The following PLXNA1 variants were observed in gnomAD, a reference collection of about 807,000 sequenced individuals.
PLXNA1 encodes plexin-A1.
A neutral mutation model predicts 191.7 loss-of-function variants in PLXNA1; 77 were observed. That is an observed-to-expected ratio of 0.40 (90% CI 0.33 to 0.49). The LOEUF is 0.49. Among genes scored for constraint, PLXNA1 ranks in the 20% least tolerant of loss-of-function variants. The pLI is 0.63. For missense variants in PLXNA1, 2,110 were observed against 2,660.2 expected, an observed-to-expected ratio of 0.79 and a Z score of 4.55; for synonymous variants, 1,137 against 1,156.4, an observed-to-expected ratio of 0.98 and a Z score of 0.34.
In PLXNA1 at chr3:127,033,919, C is replaced by T; in HGVS notation, c.5596-3C>T. The T allele has an allele frequency of 6.3e-7, 1 of 1,593,568 alleles. No homozygotes were observed. Among genetic ancestry groups the T allele is most frequent in the Non-Finnish European group, 8.5e-7 (1 of 1,171,516 alleles). On this transcript the variant is annotated splice_polypyrimidine_tract_variant and splice_region_variant and intron_variant, in intron 31 of 31. Coordinates refer to ENST00000393409, the MANE Select transcript of PLXNA1 (RefSeq NM_032242.4). The stretch of plus-strand genomic sequence containing the variant: ...CATGCTGACAGTTCTCCTGGCCCTG[C>T]AGATCCTGGCAGCCCTGGAGAAGGA...
chr3:127,030,471 G>T lies in PLXNA1; in HGVS notation c.5231+59G>T. ...CAGGGCCAGGCCAGATGTGTTCCCA[G>T]GGCCCTCGCCCTGTTCTGATCCGGA... is the stretch of plus-strand genomic sequence containing the variant. On this transcript the variant is annotated intron_variant, in intron 29 of 31. Coordinates refer to ENST00000393409, the MANE Select transcript of PLXNA1 (RefSeq NM_032242.4). The T allele has an allele frequency of 8.2e-6, 13 of 1,590,498 alleles. No homozygotes were observed. In the South Asian group the frequency reaches 1.5e-4, roughly 18 times the overall value.
rs755621112 is a variant in PLXNA1, at chr3:127,014,576, C to T, written c.2703C>T (p.Arg901=). 1.7e-5 allele frequency: 27 copies of T among 1,612,938 alleles called. No homozygotes were observed. The highest frequency in any genetic ancestry group is 2.2e-5 in the South Asian group (2 of 91,090). ...LRFEDVRLGV[R]VGKVLCSPVE... ...TCGAAGACGTGCGTCTGGGCGTGCG[C>T]GTGGGCAAGGTGCTGTGCAGCCCTG... Residue 901 remains arginine, a synonymous_variant, in exon 13 of 32, where the codon CGC becomes CGT. Coordinates refer to ENST00000393409, the MANE Select transcript of PLXNA1 (RefSeq NM_032242.4).
chr3:127,002,907 C>T (rs1053234501), intron 3 of PLXNA1, among the ~76,000 whole-genome samples: 4 of 152,130 alleles, frequency 2.6e-5, no homozygotes, highest in African/African-American at 9.7e-5. Flanking sequence ...TCCTGTGAGC[C>T]CTGGCCTCTG....
rs1310717346 is a variant in PLXNA1, at chr3:127,035,688, C to A, written c.*1671C>A. The stretch of plus-strand genomic sequence containing the variant: ...TCACTTTTTTGATGGTACCGAAGAT[C>A]CCATGGACATTAAGGGACAGCTAAC... On this transcript the variant is annotated 3_prime_UTR_variant, in exon 32 of 32. Coordinates refer to ENST00000393409, the MANE Select transcript of PLXNA1 (RefSeq NM_032242.4). 6.6e-6 allele frequency: 1 copy of A among 152,546 alleles called. No homozygotes were observed. The highest frequency in any genetic ancestry group is 2.4e-5 in the African/African-American group (1 of 41,418). The allele number at this position is 152,546 out of a possible 1,614,324, so 9.4% of individuals were successfully genotyped here. A position where few individuals can be genotyped will look rare whatever the true frequency, so the allele number is the denominator to read the frequency against.
At chr3:126,997,575 C>A (rs1237468892) in intron 3 of PLXNA1, among the ~76,000 whole-genome samples, 1 of 152,232 alleles carries the variant, frequency 6.6e-6, no homozygotes, top group Admixed American at 6.5e-5. Context: ...CTTCACGGGG[C>A]CCTGCACGGT....
At position 126,991,546 on chromosome 3, in the gene PLXNA1, C is replaced by T. The variant is rs371434286; in HGVS notation, c.1357C>T (p.Arg453Ter). 3 of 1,582,574 alleles carry T rather than the reference C, an allele frequency of 1.9e-6. No individual in the cohort carries two copies. Among genetic ancestry groups the T allele is most frequent in the Non-Finnish European group, 1.7e-6 (2 of 1,160,014 alleles). Residue 453 changes from arginine to a stop codon, truncating the protein, a stop_gained, in exon 3 of 32, where the codon CGA becomes TGA. Transcript: ENST00000393409. LOFTEE classifies it high-confidence loss of function. ...RGRTVVFAGTRSGRIRKILVD... is the reference protein window; with the variant it reads ...RGRTVVFAGT Reference sequence around the variant, plus strand: ...CCGCACTGTGGTATTCGCCGGCACGCGAAGTGGCCGCATCCGCAAGGTCAG... The same window carrying T: ...CCGCACTGTGGTATTCGCCGGCACGTGAAGTGGCCGCATCCGCAAGGTCAG...
intron 15 of PLXNA1, 116 bp from the exon 16 acceptor site, chr3:127,016,401 C>T (rs923676940): frequency 2.1e-5 from 19 of 889,444 alleles, no homozygotes; most frequent in African/African-American, 1.5e-4. Flanking sequence ...TATGCAGCCA[C>T]CCAAGGCAGT....
At chr3:127,031,824 TGCTG>T (rs2079213016) in intron 29 of PLXNA1, 1 of 159,360 alleles carries the variant, frequency 6.3e-6, no homozygotes, top group East Asian at 1.9e-4. Flanking sequence ...TCTAGACCCG[TGCTG>T]TCCAGGGTGG....
rs2079224814 is a variant in PLXNA1, at chr3:127,033,848, G to A, written c.5596-74G>A. On this transcript the variant is annotated intron_variant, in intron 31 of 31. Transcript: ENST00000393409. ...TTGAACCTCTGGCACCTACTCTGGA[G>A]GCATCTGCCCTGGGCCTGCTGAGTG... is the stretch of plus-strand genomic sequence containing the variant. The A allele has an allele frequency of 5.4e-6, 7 of 1,288,612 alleles. No homozygotes were observed. In the Admixed American group the frequency reaches 1.5e-4, roughly 27 times the overall value. 79.8% of individuals were successfully genotyped at this position (1,288,612 alleles called of 1,614,324 possible). A position where few individuals can be genotyped will look rare whatever the true frequency, so the allele number is the denominator to read the frequency against.
chr3:126,997,363 C>T (rs1384661809), intron 3 of PLXNA1, among the ~76,000 whole-genome samples: 1 of 152,304 alleles, frequency 6.6e-6, no homozygotes, highest in African/African-American at 2.4e-5. Context: ...GACTTGGTGG[C>T]GGCCTGTGGC....
intron 2 of PLXNA1, 92 bp from the exon 3 acceptor site, chr3:126,991,292 A>G: frequency 6.9e-7 from 1 of 1,440,350 alleles, no homozygotes; most frequent in South Asian, 1.3e-5. Context: ...CCTCTCTAGA[A>G]AGACAACTGC....
At chr3:126,993,333 C>T (rs1293957376) in intron 3 of PLXNA1, among the ~76,000 whole-genome samples, 1 of 152,226 alleles carries the variant, frequency 6.6e-6, no homozygotes, top group Non-Finnish European at 1.5e-5. Flanking sequence ...CAATTTTCCC[C>T]TTCCCACCCC....
Position 127,016,945 on chromosome 3 carries a change from G to A in PLXNA1, c.3184G>A (p.Gly1062Ser), listed in dbSNP as rs1253451101. Reference sequence around the variant, plus strand: ...CCCCCCACCCCTGTCCTGTTCCAGCGGTGGGACCCTCCTGACGGTCACAGG... The same window carrying A: ...CCCCCCACCCCTGTCCTGTTCCAGCAGTGGGACCCTCCTGACGGTCACAGG... ...RIDPEWSINS[G>S]GTLLTVTGTN... Residue 1062 changes from glycine (G) to serine (S), a missense_variant and splice_region_variant, in exon 17 of 32, where the codon GGT becomes AGT. Gly to Ser is a moderately conservative substitution (Grantham distance 56, BLOSUM62 0). Coordinates refer to ENST00000393409, the MANE Select transcript of PLXNA1 (RefSeq NM_032242.4). 3.1e-6 allele frequency: 5 copies of A among 1,612,732 alleles called. No individual in the cohort carries two copies. The highest frequency in any genetic ancestry group is 1.7e-5 in the Admixed American group (1 of 59,954).
chr3:127,004,303 C>G (rs1288689859), intron 4 of PLXNA1, among the ~76,000 whole-genome samples: 1 of 152,230 alleles, frequency 6.6e-6, no homozygotes, highest in African/African-American at 2.4e-5. Flanking sequence ...GCTGGGGAAG[C>G]TCAGAGCTGG....
At chr3:127,020,581 G>C (rs2079147444) in intron 21 of PLXNA1, among the ~76,000 whole-genome samples, 1 of 152,166 alleles carries the variant, frequency 6.6e-6, no homozygotes, top group Non-Finnish European at 1.5e-5. Context: ...GGAATGGCCA[G>C]CACGGCTCTG....
At position 126,989,278 on chromosome 3, in the gene PLXNA1, C is replaced by G; in HGVS notation, c.685C>G (p.Leu229Val). The G allele has an allele frequency of 6.2e-7, 1 of 1,613,682 alleles. No individual in the cohort carries two copies. Among genetic ancestry groups the G allele is most frequent in the Non-Finnish European group, 8.5e-7 (1 of 1,180,036 alleles). Residue 229 changes from leucine (L) to valine (V), a missense_variant, in exon 2 of 32, where the codon CTC (leucine) becomes GTC (valine). By Grantham distance (32) the Leu-to-Val change is conservative. Around this residue, in one of 4 missense-constraint regions of PLXNA1, gnomAD observed 903 missense variants for 1,015.7 expected, o/e 0.89. Transcript: ENST00000393409. ...VYQDEFVSSQLKIPSDTLSKF... is the reference protein window; with the variant it reads ...VYQDEFVSSQVKIPSDTLSKF... ...CCAGGATGAGTTTGTGTCATCACAG[C>G]TCAAGATCCCTTCGGACACGCTGTC...
At chr3:127,016,152 A>G (rs1307760677) in intron 15 of PLXNA1, among the ~76,000 whole-genome samples, 1 of 151,684 alleles carries the variant, frequency 6.6e-6, no homozygotes, top group Non-Finnish European at 1.5e-5. Context: ...CGTGCGTGGG[A>G]CGGGCCTGCT....
In PLXNA1 at chr3:127,030,235, C is replaced by T. The variant is rs1470660332; in HGVS notation, c.5062-8C>T. 7.4e-6 allele frequency: 12 copies of T among 1,612,254 alleles called. No homozygotes were observed. The highest frequency in any genetic ancestry group is 9.3e-6 in the Non-Finnish European group (11 of 1,178,992). On this transcript the variant is annotated splice_polypyrimidine_tract_variant and splice_region_variant and intron_variant, in intron 28 of 31. Coordinates refer to ENST00000393409, the MANE Select transcript of PLXNA1 (RefSeq NM_032242.4). ...CTGGGGCTCAGTGTCCCTGCCTGCC[C>T]CCCGCAGGGCACACTGCAGAAGTTT...
At chr3:126,983,643 C>T (rs190775869) in intron 1 of PLXNA1, among the ~76,000 whole-genome samples, 3,941 of 149,696 alleles carry the variant, frequency 0.026, 81 homozygotes, top group Middle Eastern at 0.041. Flanking sequence ...CCGAGCCCCG[C>T]GGCAGCTCCG....
Sources: allele counts gnomAD v4.1 joint callset (sites outside exome capture counted in the v4.1 genomes callset), GRCh38; gene constraint gnomAD v4.1.1; regional missense constraint gnomAD v4.1.1; transcripts MANE v1.5; gene names NCBI Gene and HGNC (gene_info 2026-07-23, HGNC 2026-07-21).